Variants in PCDH17 observed in about 807,000 individuals in gnomAD.
PCDH17 encodes the protein protocadherin-17.
PCDH17 carries 21 observed loss-of-function variants against 67.7 expected under a neutral mutation model. The ratio of observed to expected loss-of-function variants is 0.31; its 90% CI spans 0.22 to 0.45. PCDH17 has a LOEUF of 0.45. Among genes scored for constraint, PCDH17 ranks in the 20% least tolerant of loss-of-function variants. PCDH17 has a pLI of 1.00. For missense variants in PCDH17, 1,471 were observed against 1,564.8 expected, an observed-to-expected ratio of 0.94 and a Z score of 1.01; for synonymous variants, 701 against 656.7, an observed-to-expected ratio of 1.07 and a Z score of -1.03.
Position 57,727,293 on chromosome 13 carries a change from A to C in PCDH17, c.*1999A>C, listed in dbSNP as rs1955922423. 2.0e-5 allele frequency: 3 copies of C among 152,720 alleles called. No homozygotes were observed. Among genetic ancestry groups the C allele is most frequent in the African/African-American group, 4.8e-5 (2 of 41,574 alleles). The allele number at this position is 152,720 out of a possible 1,614,324, so 9.5% of individuals were successfully genotyped here. A position where few individuals can be genotyped will look rare whatever the true frequency, so the allele number is the denominator to read the frequency against. On this transcript the variant is annotated 3_prime_UTR_variant, in exon 4 of 4. Transcript: ENST00000377918. ...GGAGCAGAAAAATGCATTATTTGCA[A>C]ACTGGTGGATAATTTTGTGCCTTCT...
intron 1 of PCDH17, among the ~76,000 whole-genome samples, chr13:57,639,849 C>T (rs558811078): frequency 6.6e-6 from 1 of 152,058 alleles, no homozygotes; most frequent in South Asian, 2.1e-4. Context: ...GTTACCTCAA[C>T]TACCTGAATA....
intron 1 of PCDH17, among the ~76,000 whole-genome samples, chr13:57,638,619 T>A (rs1436542671): frequency 6.6e-6 from 1 of 152,028 alleles, no homozygotes; most frequent in African/African-American, 2.4e-5. Context: ...GACTTTAGAG[T>A]CTTTATGCTA....
At chr13:57,720,420 A>G (rs1955863056) in intron 3 of PCDH17, among the ~76,000 whole-genome samples, 1 of 152,036 alleles carries the variant, frequency 6.6e-6, no homozygotes, top group African/African-American at 2.4e-5. Context: ...ATTTATACAT[A>G]TGTGTACATT....
At chr13:57,660,914 G>A (rs574485475) in intron 1 of PCDH17, among the ~76,000 whole-genome samples, 18 of 152,228 alleles carry the variant, frequency 1.2e-4, no homozygotes, top group East Asian at 5.8e-4. Context: ...GAATATGTAT[G>A]ATGGTCTGTC....
chr13:57,655,211 G>C (rs1955088150), intron 1 of PCDH17, among the ~76,000 whole-genome samples: 1 of 151,628 alleles, frequency 6.6e-6, no homozygotes, highest in Non-Finnish European at 1.5e-5. Context: ...AAAGGTGACA[G>C]TTGAAAGAAT....
chr13:57,705,387 A>C (rs1365458049), intron 3 of PCDH17, among the ~76,000 whole-genome samples: 4 of 152,226 alleles, frequency 2.6e-5, no homozygotes, highest in African/African-American at 9.6e-5. Flanking sequence ...GAAACAATGC[A>C]GAGTATCAGC....
intron 1 of PCDH17, among the ~76,000 whole-genome samples, chr13:57,645,451 T>G (rs1174894553): frequency 6.6e-6 from 1 of 151,654 alleles, no homozygotes; most frequent in Non-Finnish European, 1.5e-5. Flanking sequence ...TGACTAAGGC[T>G]AAAGTCTAAG....
At chr13:57,687,695 T>C (rs1468720602) in intron 3 of PCDH17, among the ~76,000 whole-genome samples, 2 of 152,006 alleles carry the variant, frequency 1.3e-5, no homozygotes, top group African/African-American at 4.8e-5. Context: ...GATTAAAATA[T>C]ATAAAATAAC....
intron 3 of PCDH17, among the ~76,000 whole-genome samples, chr13:57,708,302 A>T (rs949838780): frequency 2.0e-4 from 30 of 152,040 alleles, no homozygotes; most frequent in African/African-American, 7.2e-4. Context: ...CCGAAAAGAC[A>T]AATGAGTTTG....
chr13:57,639,008 G>C (rs932947249), intron 1 of PCDH17, among the ~76,000 whole-genome samples: 1 of 151,940 alleles, frequency 6.6e-6, no homozygotes, highest in Non-Finnish European at 1.5e-5. Context: ...TAATTTTGGA[G>C]ATATTTTGCT....
At chr13:57,661,695 T>C (rs1418970380) in intron 1 of PCDH17, among the ~76,000 whole-genome samples, 1 of 152,130 alleles carries the variant, frequency 6.6e-6, no homozygotes, top group Non-Finnish European at 1.5e-5. Flanking sequence ...TAGATCAAGG[T>C]TCATTTCTAC....
chr13:57,666,490 C>T lies in PCDH17; in HGVS notation c.2588C>T (p.Pro863Leu). ...IIQTDNFPAE[P>L]NYMGSRQQFV... ...CAGACAGACAATTTTCCCGCAGAGC[C>T]CAATTACATGGGCAGCAGGCAGCAG... Residue 863 changes from proline (P) to leucine (L), a missense_variant, in exon 2 of 4, where the codon CCC becomes CTC. Transcript: ENST00000377918. 1.2e-6 allele frequency: 2 copies of T among 1,613,788 alleles called. No individual in the cohort carries two copies. Among genetic ancestry groups the T allele is most frequent in the Non-Finnish European group, 1.7e-6 (2 of 1,179,856 alleles).
intron 3 of PCDH17, among the ~76,000 whole-genome samples, chr13:57,699,074 A>G (rs1013070655): frequency 7.5e-6 from 1 of 133,318 alleles, no homozygotes; most frequent in Non-Finnish European, 1.7e-5. Context: ...TATTAGATTA[A>G]CACTAGGATC....
intron 3 of PCDH17, among the ~76,000 whole-genome samples, chr13:57,699,483 AGT>A (rs1955642895): frequency 6.6e-6 from 1 of 152,014 alleles, no homozygotes; most frequent in African/African-American, 2.4e-5. Flanking sequence ...TTATTTGCAC[AGT>A]CTCTTTGCAT....
At chr13:57,682,312 G>GT (rs1566233879) in intron 3 of PCDH17, among the ~76,000 whole-genome samples, 1 of 151,614 alleles carries the variant, frequency 6.6e-6, no homozygotes, top group East Asian at 2.0e-4. Context: ...CTCACCCCCA[G>GT]TGTATCTCCC....
At chr13:57,702,721 C>T (rs905313006) in intron 3 of PCDH17, among the ~76,000 whole-genome samples, 6 of 152,160 alleles carry the variant, frequency 3.9e-5, no homozygotes, top group South Asian at 2.1e-4. Context: ...AGCAGTATGA[C>T]ACGCAACTGC....
Position 57,646,137 on chromosome 13 carries a change from G to T in PCDH17, c.2565+11026G>T, listed in dbSNP as rs1399713702. Among the ~76,000 whole-genome samples the T allele has an allele frequency of 4.0e-5, 6 of 151,420 alleles. No homozygotes were observed. The East Asian group carries it at 9.6e-4, about 24-fold the overall frequency. Reference sequence around the variant, plus strand: ...GTGATAATCAGAAAATAAAAATATGGTTGGAAATTATCAAGTGTATGTAAT... The same window carrying T: ...GTGATAATCAGAAAATAAAAATATGTTTGGAAATTATCAAGTGTATGTAAT... On this transcript the variant is annotated intron_variant, in intron 1 of 3. Coordinates refer to ENST00000377918, the MANE Select transcript of PCDH17 (RefSeq NM_001040429.3).
chr13:57,686,459 TACAA>T (rs1446265342), intron 3 of PCDH17, among the ~76,000 whole-genome samples: 1 of 151,920 alleles, frequency 6.6e-6, no homozygotes, highest in Non-Finnish European at 1.5e-5. Flanking sequence ...GCAATGACTC[TACAA>T]ACAAATTGTA....
At chr13:57,671,280 A>G (rs945804711) in intron 3 of PCDH17, among the ~76,000 whole-genome samples, 1 of 151,794 alleles carries the variant, frequency 6.6e-6, no homozygotes, top group African/African-American at 2.4e-5. Context: ...AAAAATGGGA[A>G]AAGAAAACCA....
Sources: gnomAD v4.1 joint callset for allele counts (sites outside exome capture counted in the v4.1 genomes callset) on GRCh38, gnomAD v4.1.1 for gene constraint, MANE v1.5 for transcripts, NCBI Gene and HGNC (gene_info 2026-07-23, HGNC 2026-07-21) for gene names.